The following TBCE variants were observed in gnomAD, a reference collection of about 807,000 sequenced individuals.
TBCE encodes tubulin-specific chaperone E.
In TBCE, 53 loss-of-function variants were observed where a neutral mutation model predicts 77.0. That is an observed-to-expected ratio of 0.69 (90% CI 0.55 to 0.87). TBCE has a LOEUF of 0.87. TBCE is among the 40% of genes least tolerant of loss of function. The pLI is 0.00. For missense variants in TBCE, 624 were observed against 622.4 expected (o/e 1.00, Z -0.03); for synonymous variants, 235 against 241.3 (o/e 0.97, Z 0.24).
chr1:235,431,718 G>A (rs1430680342), intron 7 of TBCE, among the ~76,000 whole-genome samples: 1 of 147,786 alleles, frequency 6.8e-6, no homozygotes, highest in Non-Finnish European at 1.5e-5. Flanking sequence ...TGTTGCCCAA[G>A]GTGGAGTGCA....
chr1:235,412,742 G>A (rs1403265114), intron 3 of TBCE, among the ~76,000 whole-genome samples: 1 of 152,164 alleles, frequency 6.6e-6, no homozygotes, highest in Admixed American at 6.5e-5. Flanking sequence ...AGAGAAAACT[G>A]TACGTATGTT....
intron 12 of TBCE, 32 bp downstream of exon 12, chr1:235,437,506 T>TA (rs755079100): frequency 1.2e-6 from 2 of 1,612,014 alleles, no homozygotes; most frequent in South Asian, 2.2e-5. Flanking sequence ...AGATATTTTT[T>TA]AGACTAGAAA....
chr1:235,444,152 T>TA (rs1157028663), intron 15 of TBCE, among the ~76,000 whole-genome samples: 1 of 152,254 alleles, frequency 6.6e-6, no homozygotes, highest in Non-Finnish European at 1.5e-5. Context: ...GTATTGCTTA[T>TA]AGAAGGCCTT....
At chr1:235,417,838 G>A (rs1436838240) in intron 4 of TBCE, among the ~76,000 whole-genome samples, 3 of 152,132 alleles carry the variant, frequency 2.0e-5, no homozygotes, top group Non-Finnish European at 4.4e-5. Flanking sequence ...GCGCAATGGT[G>A]TGATCTCGGC....
At chr1:235,424,959 TTC>T (rs1265370409) in intron 5 of TBCE, among the ~76,000 whole-genome samples, 1 of 152,158 alleles carries the variant, frequency 6.6e-6, no homozygotes, top group Non-Finnish European at 1.5e-5. Flanking sequence ...GGAGCTCTTC[TTC>T]TGTCGCTGGC....
At chr1:235,436,731 C>A in intron 11 of TBCE, 123 bp downstream of exon 11, 1 of 949,346 alleles carries the variant, frequency 1.1e-6, no homozygotes, top group Non-Finnish European at 1.7e-6. Context: ...AATACCTCCT[C>A]AGAGTGAAAC....
At chr1:235,414,247 G>A (rs1679983413) in intron 3 of TBCE, among the ~76,000 whole-genome samples, 186 bp from the exon 4 acceptor site, 1 of 152,120 alleles carries the variant, frequency 6.6e-6, no homozygotes, top group Non-Finnish European at 1.5e-5. Context: ...TAACATGCTT[G>A]CATAAGATCA....
chr1:235,381,678 C>A (rs1471139191), intron 2 of TBCE, among the ~76,000 whole-genome samples: 6 of 96,632 alleles, frequency 6.2e-5, no homozygotes, highest in Admixed American at 1.3e-4. Flanking sequence ...GAGCGAGACT[C>A]CTTCTCCAAA....
intron 5 of TBCE, among the ~76,000 whole-genome samples, chr1:235,421,568 CA>C (rs1680401333): frequency 1.3e-5 from 2 of 151,992 alleles, no homozygotes; most frequent in Admixed American, 6.6e-5. Context: ...ATTAGCCAGG[CA>C]TGGTGGTGCA....
intron 3 of TBCE, among the ~76,000 whole-genome samples, chr1:235,402,869 G>A (rs985250149): frequency 2.6e-5 from 4 of 152,012 alleles, no homozygotes; most frequent in African/African-American, 4.8e-5. Context: ...GGCCTCAAGC[G>A]ATCCTCCCAC....
chr1:235,367,487 T>C lies in TBCE; in HGVS notation c.-49T>C, dbSNP rs55980101. On this transcript the variant is annotated 5_prime_UTR_variant, in exon 1 of 17. Transcript: ENST00000642610. The stretch of plus-strand genomic sequence containing the variant: ...TGGAGGGGCTGCTGCTGGGAACACC[T>C]GGAGTCTCCGCGGGCAGGTGAGCTT... 0.033 allele frequency: 5,091 copies of C among 153,100 alleles called. 189 individuals are homozygous for C. The highest frequency in any genetic ancestry group is 0.094 in the African/African-American group (3,912 of 41,588). The allele number at this position is 153,100 out of a possible 1,614,324, so 9.5% of individuals were successfully genotyped here.
intron 4 of TBCE, chr1:235,415,699 T>A (rs1680069467): frequency 6.6e-6 from 1 of 152,104 alleles, no homozygotes; most frequent in South Asian, 2.1e-4. Context: ...TCTTGGTACA[T>A]CTACTCTTTA....
chr1:235,416,311 C>G (rs1680110797), intron 4 of TBCE, among the ~76,000 whole-genome samples: 1 of 151,098 alleles, frequency 6.6e-6, no homozygotes, highest in Non-Finnish European at 1.5e-5. Context: ...ATTTAAAATA[C>G]AAATAGCCTG....
At chr1:235,392,400 ATTTTTTT>A (rs557817776) in intron 2 of TBCE, among the ~76,000 whole-genome samples, 1 of 54,032 alleles carries the variant, frequency 1.9e-5, no homozygotes, top group Admixed American at 1.7e-4. Context: ...GCTGAACAGA[ATTTTTTT>A]TTTTTTTTTT....
Position 235,437,445 on chromosome 1 carries a change from G to C in TBCE, c.1087G>C (p.Gly363Arg), listed in dbSNP as rs1344527690. Residue 363 changes from glycine (G) to arginine (R), a missense_variant, in exon 12 of 17, where the codon GGC becomes CGC. Transcript: ENST00000642610. ...GCGACTACTCATTATCGCCAGCATT[G>C]GCCAGCTGAAGACGCTGAACAAATG... ...TARLLIIASIGQLKTLNKCEI... is the reference protein window; with the variant it reads ...TARLLIIASIRQLKTLNKCEI... 6.2e-7 allele frequency: 1 copy of C among 1,613,966 alleles called. No individual in the cohort carries two copies. The highest frequency in any genetic ancestry group is 8.5e-7 in the Non-Finnish European group (1 of 1,180,026).
intron 2 of TBCE, among the ~76,000 whole-genome samples, chr1:235,386,358 TG>T (rs1678002161): frequency 6.6e-6 from 1 of 152,224 alleles, no homozygotes; most frequent in Admixed American, 6.5e-5. Flanking sequence ...CTTGCTAGAT[TG>T]GGGAAGTTCT....
chr1:235,378,159 A>C (rs1450200289), intron 1 of TBCE, among the ~76,000 whole-genome samples: 1 of 152,152 alleles, frequency 6.6e-6, no homozygotes, highest in Admixed American at 6.6e-5. Context: ...TTTGTTCAAT[A>C]GTTATGTAAC....
chr1:235,442,728 T>C (rs973668993), intron 14 of TBCE, 124 bp from the exon 15 acceptor site: 3 of 856,000 alleles, frequency 3.5e-6, no homozygotes, highest in East Asian at 5.4e-5. Context: ...ATTTTAAACA[T>C]TGATTAGACC....
At chr1:235,427,280 C>A in intron 6 of TBCE, 41 bp downstream of exon 6, 2 of 1,401,886 alleles carry the variant, frequency 1.4e-6, no homozygotes, top group Non-Finnish European at 2.0e-6. Context: ...AACAATAAAG[C>A]TCATCTCTCC....
Sources: allele counts gnomAD v4.1 joint callset (sites outside exome capture counted in the v4.1 genomes callset), GRCh38; gene constraint gnomAD v4.1.1; transcripts MANE v1.5; gene names NCBI Gene and HGNC (gene_info 2026-07-23, HGNC 2026-07-21).